BIRC6: variants seen among roughly 807,000 people sequenced by gnomAD.
BIRC6 encodes dual E2 ubiquitin-conjugating enzyme/E3 ubiquitin-protein ligase BIRC6.
Under a neutral mutation model 503.3 loss-of-function variants are expected in BIRC6, and 98 were observed. That is an observed-to-expected ratio of 0.19 (90% CI 0.17 to 0.23). The LOEUF is 0.23. Ranked by LOEUF, BIRC6 falls within the 10% of genes least tolerant of loss-of-function variation. BIRC6 has a pLI of 1.00. For missense variants in BIRC6, 5,360 were observed against 5,806.0 expected, an observed-to-expected ratio of 0.92 and a Z score of 2.50; for synonymous variants, 2,240 against 2,078.7, an observed-to-expected ratio of 1.08 and a Z score of -2.11.
At chr2:32,431,842 C>G (rs537601115) in intron 12 of BIRC6, among the ~76,000 whole-genome samples, 2 of 152,294 alleles carry the variant, frequency 1.3e-5, no homozygotes, top group South Asian at 4.1e-4. Flanking sequence ...GATACATATA[C>G]CATGCCATAT....
intron 3 of BIRC6, among the ~76,000 whole-genome samples, chr2:32,383,587 A>G (rs2038009904): frequency 1.3e-5 from 2 of 151,938 alleles, no homozygotes; most frequent in African/African-American, 4.8e-5. Flanking sequence ...CCCAGGCTGG[A>G]GTGCAGTGAT....
chr2:32,547,877 A>G lies in BIRC6; in HGVS notation c.12838A>G (p.Thr4280Ala). The G allele has an allele frequency of 4.4e-6, 7 of 1,607,496 alleles. No individual in the cohort carries two copies. The highest frequency in any genetic ancestry group is 5.9e-6 in the Non-Finnish European group (7 of 1,177,912). ...ACAGGTGTCAAGCTCTCATAACCCT[A>G]CATCAACAGAAGAACAACAGTTATA... ...EPQVSSSHNP[T>A]STEEQQLYWA... Residue 4280 changes from threonine (T) to alanine (A), a missense_variant, in exon 64 of 74, where the codon ACA becomes GCA. Physicochemically the swap from Thr to Ala is moderately conservative, Grantham distance 58. Transcript: ENST00000421745.
In BIRC6 at chr2:32,529,744, C is replaced by G. The variant is rs1264484539; in HGVS notation, c.12014C>G (p.Thr4005Ser). ...CAGGGTTACCGCTCAATAGATCTGA[C>G]TGTTAAATTGGGATCAAGAGTTATA... is the stretch of plus-strand genomic sequence containing the variant. ...LPQGYRSIDL[T>S]VKLGSRVITD... Residue 4005 changes from threonine (T) to serine (S), a missense_variant, in exon 60 of 74, where the codon ACT (threonine) becomes AGT (serine). Transcript: ENST00000421745. The G allele has an allele frequency of 6.2e-7, 1 of 1,613,548 alleles. No individual in the cohort carries two copies. The highest frequency in any genetic ancestry group is 1.3e-5 in the African/African-American group (1 of 75,016).
At chr2:32,370,032 A>G (rs920801401) in intron 1 of BIRC6, among the ~76,000 whole-genome samples, 6 of 142,716 alleles carry the variant, frequency 4.2e-5, no homozygotes, top group Non-Finnish European at 9.0e-5. Context: ...GTATGTATAT[A>G]TATGTATGTA....
intron 13 of BIRC6, 58 bp from the exon 14 acceptor site, chr2:32,435,438 T>C (rs2044591637): frequency 2.8e-6 from 4 of 1,449,050 alleles, no homozygotes; most frequent in Non-Finnish European, 3.6e-6. Context: ...AGTTTACTAA[T>C]ATTTTTATCC....
At chr2:32,483,167 T>G (rs900093803) in intron 39 of BIRC6, among the ~76,000 whole-genome samples, 1 of 152,190 alleles carries the variant, frequency 6.6e-6, no homozygotes, top group Non-Finnish European at 1.5e-5. Context: ...TCTGCCTGCC[T>G]CGGCCTCCAA....
intron 5 of BIRC6, among the ~76,000 whole-genome samples, chr2:32,394,349 A>T (rs1237151716): frequency 6.6e-6 from 1 of 152,002 alleles, no homozygotes; most frequent in Non-Finnish European, 1.5e-5. Context: ...TTTCAGGTAT[A>T]TTTCAGTTCA....
At position 32,493,608 on chromosome 2, in the gene BIRC6, A is replaced by C; in HGVS notation, c.8409A>C (p.Thr2803=). The change falls in exon 45 of 74, where the codon ACA becomes ACC. Residue 2803 remains threonine, a synonymous_variant. Transcript: ENST00000421745. ...GATTACAAGTGCATCTTTCTTCAACATGTCCTCAGATATTCAGTGAATTTT... is the reference window on the plus strand; with the variant it reads ...GATTACAAGTGCATCTTTCTTCAACCTGTCCTCAGATATTCAGTGAATTTT... ...LTRLQVHLSS[T]CPQIFSEFLL... 6.2e-7 allele frequency: 1 copy of C among 1,608,918 alleles called. No individual in the cohort carries two copies. The highest frequency in any genetic ancestry group is 8.5e-7 in the Non-Finnish European group (1 of 1,176,406).
chr2:32,496,330 A>G (rs545049356), intron 45 of BIRC6, among the ~76,000 whole-genome samples: 1 of 151,744 alleles, frequency 6.6e-6, no homozygotes, highest in African/African-American at 2.4e-5. Flanking sequence ...GGTTCGTGCA[A>G]TTCTCATGCT....
chr2:32,489,080 G>C (rs1284716940), intron 42 of BIRC6, among the ~76,000 whole-genome samples: 1 of 151,716 alleles, frequency 6.6e-6, no homozygotes, highest in Non-Finnish European at 1.5e-5. Flanking sequence ...GGAGGAGTTA[G>C]TCAGCTGGAG....
At chr2:32,591,368 TAA>T (rs1042298390) in intron 66 of BIRC6, among the ~76,000 whole-genome samples, 3 of 152,112 alleles carry the variant, frequency 2.0e-5, no homozygotes, top group Admixed American at 6.6e-5. Context: ...TTAATTATGG[TAA>T]AAAAATAAAA....
In BIRC6 at chr2:32,415,371, G is replaced by A; in HGVS notation, c.2080G>A (p.Ala694Thr). 1 of 1,614,018 alleles carries A rather than the reference G, an allele frequency of 6.2e-7. No homozygotes were observed. Among genetic ancestry groups the A allele is most frequent in the Non-Finnish European group, 8.5e-7 (1 of 1,179,894 alleles). The stretch of plus-strand genomic sequence containing the variant: ...GACTTACATTCAGCAATTTGCAGAT[G>A]CAGCAGCCAACCTTACCTCTCCGGA... ...PVTYIQQFAD[A>T]AANLTSPDSE... The change falls in exon 10 of 74, where the codon GCA (alanine) becomes ACA (threonine). Residue 694 changes from alanine to threonine, a missense_variant. By Grantham distance (58) the Ala-to-Thr change is moderately conservative. Around this residue, in one of 16 missense-constraint regions of BIRC6, gnomAD observed 700 missense variants for 739.3 expected, o/e 0.95. Transcript: ENST00000421745.
chr2:32,532,715 A>G (rs1369156931), intron 61 of BIRC6, among the ~76,000 whole-genome samples: 1 of 152,206 alleles, frequency 6.6e-6, no homozygotes, highest in Non-Finnish European at 1.5e-5. Flanking sequence ...TAACTATGTT[A>G]TAAGGTGATT....
At chr2:32,520,039 A>G (rs1052253822) in intron 57 of BIRC6, among the ~76,000 whole-genome samples, 9 of 152,244 alleles carry the variant, frequency 5.9e-5, no homozygotes, top group African/African-American at 9.6e-5. Flanking sequence ...TAACATGAAT[A>G]TAAGTAGATA....
At position 32,478,681 on chromosome 2, in the gene BIRC6, G is replaced by A; in HGVS notation, c.7115G>A (p.Cys2372Tyr). 2 of 1,613,972 alleles carry A rather than the reference G, an allele frequency of 1.2e-6. No individual in the cohort carries two copies. Among genetic ancestry groups the A allele is most frequent in the Non-Finnish European group, 1.7e-6 (2 of 1,179,884 alleles). Residue 2372 changes from cysteine (C) to tyrosine (Y), a missense_variant, in exon 36 of 74, where the codon TGT (cysteine) becomes TAT (tyrosine). Physicochemically the swap from Cys to Tyr is radical, Grantham distance 194. Coordinates refer to ENST00000421745, the MANE Select transcript of BIRC6 (RefSeq NM_016252.4). ...ANATRPTIHL[C>Y]EIVNEPQLER... ...GCCACGAGGCCAACTATTCATCTGT[G>A]TGAGATTGTGAACGAACCCCAGCTG...
chr2:32,461,156 CCCTCTCCCCTCCCCTCTCCCCTCCCCTCT>C (rs1281720550), intron 23 of BIRC6, among the ~76,000 whole-genome samples: 1 of 7,412 alleles, frequency 1.3e-4, no homozygotes. Flanking sequence ...CCCTCCCCTC[CCCTCTCCCCTCCCCTCTCCCCTCCCCTCT>C]CCCCTCCCCT....
intron 11 of BIRC6, among the ~76,000 whole-genome samples, chr2:32,429,935 T>A (rs889491809): frequency 2.6e-5 from 4 of 152,108 alleles, no homozygotes; most frequent in African/African-American, 9.7e-5. Context: ...AGGTTATTGG[T>A]TGAATGGAGA....
chr2:32,512,480 T>C (rs1483281759), intron 53 of BIRC6, among the ~76,000 whole-genome samples: 4 of 152,176 alleles, frequency 2.6e-5, no homozygotes, highest in Non-Finnish European at 2.9e-5. Context: ...AAAAGTACTA[T>C]GCAGAGAAAA....
intron 59 of BIRC6, chr2:32,527,721 A>G (rs2056391491): frequency 6.6e-6 from 1 of 152,342 alleles, no homozygotes; most frequent in South Asian, 2.1e-4. Flanking sequence ...ATATACCTTC[A>G]GAGTTCAGCA....
Sources: allele counts gnomAD v4.1 joint callset (sites outside exome capture counted in the v4.1 genomes callset), GRCh38; gene constraint gnomAD v4.1.1; regional missense constraint gnomAD v4.1.1; transcripts MANE v1.5; gene names NCBI Gene and HGNC (gene_info 2026-07-23, HGNC 2026-07-21).